MAPK10: variants seen among roughly 807,000 people sequenced by gnomAD.
MAPK10 encodes the protein mitogen-activated protein kinase 10.
Under a neutral mutation model 59.3 loss-of-function variants are expected in MAPK10, and 25 were observed. The observed-to-expected ratio is 0.42, with a 90% CI of 0.31 to 0.59. The LOEUF (loss-of-function observed/expected upper bound fraction) is 0.59, where lower values mean the gene tolerates loss of function less well. MAPK10 is among the 20% of genes least tolerant of loss of function. The probability of loss-of-function intolerance (pLI) is 0.15; values close to 1 mark genes in which losing one functional copy is unlikely to be tolerated. For synonymous variants in MAPK10, 190 were observed against 200.5 expected (o/e 0.95, Z 0.44); for missense variants, 351 against 568.9 (o/e 0.62, Z 3.90).
chr4:86,288,530 T>C (rs2095108361), intron 2 of MAPK10, among the ~76,000 whole-genome samples: 1 of 152,078 alleles, frequency 6.6e-6, no homozygotes, highest in Admixed American at 6.6e-5. Context: ...TAGTTGATGA[T>C]CATGATGCCC....
At chr4:86,416,772 A>G (rs1420340556) in intron 1 of MAPK10, among the ~76,000 whole-genome samples, 4 of 152,172 alleles carry the variant, frequency 2.6e-5, no homozygotes, top group Admixed American at 1.3e-4. Flanking sequence ...TAAATTCACC[A>G]CCAGACACAT....
chr4:86,489,301 T>C (rs1754274520), intron 1 of MAPK10, among the ~76,000 whole-genome samples: 1 of 152,194 alleles, frequency 6.6e-6, no homozygotes, highest in Non-Finnish European at 1.5e-5. Context: ...TAACTAATTA[T>C]AGACTCAAGT....
intron 2 of MAPK10, among the ~76,000 whole-genome samples, chr4:86,266,549 C>A (rs2094244657): frequency 2.0e-5 from 3 of 152,264 alleles, no homozygotes; most frequent in African/African-American, 7.2e-5. Context: ...CCTACTTTCT[C>A]TACCACTACA....
chr4:86,587,597 A>G (rs538661755), intron 1 of MAPK10, among the ~76,000 whole-genome samples: 1 of 152,308 alleles, frequency 6.6e-6, no homozygotes, highest in South Asian at 2.1e-4. Context: ...CTTACTCTGT[A>G]AGCAAGAAAG....
intron 1 of MAPK10, among the ~76,000 whole-genome samples, chr4:86,464,603 C>T (rs1362659082): frequency 1.3e-5 from 2 of 152,076 alleles, no homozygotes; most frequent in South Asian, 2.1e-4. Context: ...AGGCAGATCA[C>T]GAGGTCAGGA....
chr4:86,208,070 A>G (rs924570328), intron 2 of MAPK10, among the ~76,000 whole-genome samples: 5 of 152,248 alleles, frequency 3.3e-5, no homozygotes, highest in Non-Finnish European at 7.4e-5. Flanking sequence ...TAGACCAATA[A>G]CAGGATCTGA....
intron 1 of MAPK10, among the ~76,000 whole-genome samples, chr4:86,386,126 C>G (rs1245816534): frequency 6.6e-6 from 1 of 152,210 alleles, no homozygotes; most frequent in Non-Finnish European, 1.5e-5. Context: ...ATTACGAACT[C>G]CATTCGGAGG....
At chr4:86,137,861 C>T (rs1340642855) in intron 4 of MAPK10, among the ~76,000 whole-genome samples, 625 of 146,262 alleles carry the variant, frequency 4.3e-3, no homozygotes, top group African/African-American at 0.016. Flanking sequence ...ATATCACCAC[C>T]GATCCCACAG....
At chr4:86,140,431 G>A (rs1405716645) in intron 4 of MAPK10, among the ~76,000 whole-genome samples, 4 of 146,430 alleles carry the variant, frequency 2.7e-5, no homozygotes, top group Non-Finnish European at 4.4e-5. Context: ...ACTATTGCGA[G>A]GACAAAAAAC....
chr4:86,223,437 A>G (rs933356986), intron 2 of MAPK10, among the ~76,000 whole-genome samples: 2 of 152,242 alleles, frequency 1.3e-5, no homozygotes, highest in African/African-American at 4.8e-5. Context: ...CCATTAGAAC[A>G]GCATTGCTGG....
chr4:86,465,341 C>T (rs2149063301), intron 1 of MAPK10, among the ~76,000 whole-genome samples: 1 of 152,270 alleles, frequency 6.6e-6, no homozygotes, highest in Non-Finnish European at 1.5e-5. Context: ...CTACATTTTT[C>T]TCTGTATAGA....
chr4:86,182,613 ATAGT>A (rs1338187772), intron 3 of MAPK10, among the ~76,000 whole-genome samples: 1 of 152,158 alleles, frequency 6.6e-6, no homozygotes, highest in Non-Finnish European at 1.5e-5. Flanking sequence ...TCCAAGGAAC[ATAGT>A]TAGAAAGAAA....
chr4:86,143,333 A>G (rs1448134741), intron 4 of MAPK10, among the ~76,000 whole-genome samples: 1 of 152,176 alleles, frequency 6.6e-6, no homozygotes, highest in Non-Finnish European at 1.5e-5. Context: ...AAACCATATC[A>G]ATATCCTTAT....
At chr4:86,193,513 C>T (rs1341030386) in intron 3 of MAPK10, 1 of 152,278 alleles carries the variant, frequency 6.6e-6, no homozygotes, top group African/African-American at 2.4e-5. Context: ...GTGGTGGCCT[C>T]TGCCCAGTTC....
intron 1 of MAPK10, among the ~76,000 whole-genome samples, chr4:86,478,505 T>C (rs1753310755): frequency 6.6e-6 from 1 of 152,188 alleles, no homozygotes; most frequent in African/African-American, 2.4e-5. Flanking sequence ...CAACTCACTC[T>C]CTACAGTTCT....
intron 1 of MAPK10, among the ~76,000 whole-genome samples, chr4:86,502,637 T>C (rs1755413239): frequency 1.3e-5 from 2 of 152,088 alleles, no homozygotes; most frequent in South Asian, 2.1e-4. Context: ...CTTTTAAATG[T>C]ACATTGCCTC....
chr4:86,013,659 G>A lies in MAPK10; in HGVS notation c.*3569C>T, dbSNP rs1742145936. ...ACATATTTTTATCTATTTTTTACTA[G>A]TTCCATTTACTAAGGCCAACTTTCA... On this transcript the variant is annotated 3_prime_UTR_variant, in exon 14 of 14. Transcript: ENST00000641462. The A allele has an allele frequency of 6.6e-6, 1 of 151,908 alleles. No individual in the cohort carries two copies. Among genetic ancestry groups the A allele is most frequent in the South Asian group, 2.1e-4 (1 of 4,822 alleles). 9.4% of individuals were successfully genotyped at this position (151,908 alleles called of 1,614,324 possible).
At chr4:86,473,758 AAT>A (rs879132593) in intron 1 of MAPK10, among the ~76,000 whole-genome samples, 3 of 152,206 alleles carry the variant, frequency 2.0e-5, no homozygotes, top group Admixed American at 2.0e-4. Context: ...AGAAATTTGT[AAT>A]ATGTCTGTGA....
rs113299088 is a variant in MAPK10, at chr4:86,316,380, G to C, written c.-7+38150C>G. 5.6e-3 allele frequency among the ~76,000 whole-genome samples: 856 copies of C among 152,212 alleles called. 10 individuals are homozygous for C. The highest frequency in any genetic ancestry group is 0.02 in the African/African-American group (814 of 41,526). On this transcript the variant is annotated intron_variant, in intron 2 of 13. Transcript: ENST00000641462. ...AACTTTTTCTTAAGGAAAGAAGAGA[G>C]AGAGAATTGACATATAAACATAAAT...
Sources: gnomAD v4.1 joint callset for allele counts (sites outside exome capture counted in the v4.1 genomes callset) on GRCh38, gnomAD v4.1.1 for gene constraint, MANE v1.5 for transcripts, NCBI Gene and HGNC (gene_info 2026-07-23, HGNC 2026-07-21) for gene names.